The following SAXO1 variants were observed in gnomAD, a reference collection of about 807,000 sequenced individuals.
SAXO1 encodes 4930500O09Rik.
SAXO1 carries 21 observed loss-of-function variants against 17.5 expected under a neutral mutation model. That is an observed-to-expected ratio of 1.20 (90% CI 0.85 to 1.72). SAXO1 has a LOEUF of 1.72. SAXO1 is among the 40% of genes most tolerant of loss of function. SAXO1 has a pLI of 0.00. For missense variants in SAXO1, 843 were observed against 596.0 expected (o/e 1.41, Z -4.32); for synonymous variants, 274 against 216.5 (o/e 1.27, Z -2.33).
At chr9:19,029,450 A>G (rs1042597945) in intron 1 of SAXO1, among the ~76,000 whole-genome samples, 1 of 152,190 alleles carries the variant, frequency 6.6e-6, no homozygotes, top group African/African-American at 2.4e-5. Flanking sequence ...CTTGTCTTCC[A>G]GATTTCCCAT....
At chr9:19,028,468 C>T (rs1835610893) in intron 1 of SAXO1, among the ~76,000 whole-genome samples, 1 of 152,190 alleles carries the variant, frequency 6.6e-6, no homozygotes, top group Admixed American at 6.5e-5. Flanking sequence ...ACATTATACT[C>T]TCATATACAA....
intron 1 of SAXO1, among the ~76,000 whole-genome samples, chr9:19,045,135 C>A (rs892138232): frequency 2.0e-5 from 3 of 149,906 alleles, no homozygotes; most frequent in African/African-American, 7.4e-5. Context: ...AAGGTGAAAC[C>A]CCGTCTCTAC....
intron 1 of SAXO1, among the ~76,000 whole-genome samples, chr9:19,021,441 T>C (rs1260813641): frequency 3.3e-5 from 5 of 152,186 alleles, no homozygotes; most frequent in Non-Finnish European, 5.9e-5. Context: ...CATGTCCCCT[T>C]TTCCCTGACT....
At chr9:18,960,641 G>C (rs1218517570) in intron 1 of SAXO1, among the ~76,000 whole-genome samples, 6 of 152,084 alleles carry the variant, frequency 3.9e-5, no homozygotes. Context: ...AAGTTATCCA[G>C]GTGTGGTGGC....
intron 1 of SAXO1, among the ~76,000 whole-genome samples, chr9:18,973,600 T>G (rs974322919): frequency 6.6e-6 from 1 of 152,250 alleles, no homozygotes; most frequent in African/African-American, 2.4e-5. Flanking sequence ...CTGCACTGGA[T>G]AAGACAAGCT....
chr9:19,018,306 T>C (rs1293577250), intron 1 of SAXO1, among the ~76,000 whole-genome samples: 1 of 152,234 alleles, frequency 6.6e-6, no homozygotes, highest in Non-Finnish European at 1.5e-5. Context: ...TTAAAATTCA[T>C]TTCTAGATAG....
At position 19,031,924 on chromosome 9, in the gene SAXO1, T is replaced by C. The variant is rs186830048; in HGVS notation, c.38+947A>G. Among the ~76,000 whole-genome samples, 144 of 152,340 alleles carry C rather than the reference T, an allele frequency of 9.5e-4. 1 individual carries two copies. Among genetic ancestry groups the C allele is most frequent in the African/African-American group, 3.4e-3 (140 of 41,578 alleles). On this transcript the variant is annotated intron_variant, in intron 1 of 3. Transcript: ENST00000380534. ...CTCCACACTACTGATACCATTTTTA[T>C]ATGCATGTGTCATATTTGCCCTTTT...
intron 2 of SAXO1, among the ~76,000 whole-genome samples, chr9:18,948,400 C>A (rs1327450283): frequency 6.6e-6 from 1 of 152,178 alleles, no homozygotes; most frequent in Non-Finnish European, 1.5e-5. Flanking sequence ...CTTGATCCTG[C>A]CACTTTTTCT....
rs533341775 is a variant in SAXO1, at chr9:19,016,875, A to C, written c.38+15996T>G. Among the ~76,000 whole-genome samples, 76 of 130,894 alleles carry C rather than the reference A, an allele frequency of 5.8e-4. 1 individual carries two copies. The highest frequency in any genetic ancestry group is 2.2e-3 in the African/African-American group (74 of 33,718). The allele number at this position is 130,894 out of a possible 152,430, so 85.9% of individuals were successfully genotyped here. ...CGTTTGATGAATTCCCACCATATTC[A>C]TCTTGTGGAAGGCAGTGCCCACCCG... On this transcript the variant is annotated intron_variant, in intron 1 of 3. Coordinates refer to ENST00000380534, the MANE Select transcript of SAXO1 (RefSeq NM_153707.4).
At chr9:18,941,127 A>G (rs1404191072) in intron 3 of SAXO1, among the ~76,000 whole-genome samples, 2 of 152,234 alleles carry the variant, frequency 1.3e-5, no homozygotes, top group African/African-American at 4.8e-5. Context: ...GAATGAATCA[A>G]TCACTTAATC....
At position 18,928,279 on chromosome 9, in the gene SAXO1, C is replaced by G; in HGVS notation, c.1198G>C (p.Val400Leu). Residue 400 changes from valine (V) to leucine (L), a missense_variant, in exon 4 of 4, where the codon GTC becomes CTC. Coordinates refer to ENST00000380534, the MANE Select transcript of SAXO1 (RefSeq NM_153707.4). ...KPHWSGPRGN[V>L]PVESQTTYTI... ...TAGGTGGTCTGGCTTTCCACAGGGA[C>G]ATTTCCTCGAGGGCCAGACCAATGA... 6.2e-7 allele frequency: 1 copy of G among 1,612,674 alleles called. No individual in the cohort carries two copies. Among genetic ancestry groups the G allele is most frequent in the Non-Finnish European group, 8.5e-7 (1 of 1,179,004 alleles).
At chr9:18,974,148 T>G (rs1314095019) in intron 1 of SAXO1, among the ~76,000 whole-genome samples, 1 of 152,176 alleles carries the variant, frequency 6.6e-6, no homozygotes, top group Non-Finnish European at 1.5e-5. Flanking sequence ...TTAAGAAGAC[T>G]GGTTATGTTT....
At chr9:18,967,250 G>T (rs1198670480) in intron 1 of SAXO1, among the ~76,000 whole-genome samples, 2 of 152,332 alleles carry the variant, frequency 1.3e-5, no homozygotes, top group East Asian at 3.9e-4. Context: ...GAGGCAGTCT[G>T]TCCCCTAGCA....
chr9:18,998,357 G>A (rs1180160688), intron 1 of SAXO1, among the ~76,000 whole-genome samples: 6 of 151,990 alleles, frequency 3.9e-5, no homozygotes, highest in African/African-American at 1.2e-4. Context: ...GCAGAAGAAA[G>A]AATATCAGCA....
At chr9:18,977,642 C>CA (rs1833202537) in intron 1 of SAXO1, among the ~76,000 whole-genome samples, 2 of 152,094 alleles carry the variant, frequency 1.3e-5, no homozygotes, top group African/African-American at 4.8e-5. Flanking sequence ...TCAGGGGACC[C>CA]ATGAGCCACT....
At chr9:19,002,719 A>T (rs1834326977) in intron 1 of SAXO1, among the ~76,000 whole-genome samples, 2 of 152,206 alleles carry the variant, frequency 1.3e-5, no homozygotes, top group African/African-American at 4.8e-5. Flanking sequence ...ACTCTCAATA[A>T]ACTAGGTACT....
At chr9:19,048,267 G>A (rs1359390346) in intron 1 of SAXO1, among the ~76,000 whole-genome samples, 4 of 152,176 alleles carry the variant, frequency 2.6e-5, no homozygotes, top group Non-Finnish European at 4.4e-5. Context: ...GACCAGCCTG[G>A]CCAACATAGT....
chr9:18,941,877 C>T (rs905086469), intron 2 of SAXO1, 38 bp from the exon 3 acceptor site: 40 of 1,598,062 alleles, frequency 2.5e-5, no homozygotes, highest in Non-Finnish European at 3.2e-5. Flanking sequence ...GGGTCCTTGG[C>T]TTGCGATAAG....
chr9:18,979,067 T>C (rs577860300), intron 1 of SAXO1, among the ~76,000 whole-genome samples: 38 of 152,338 alleles, frequency 2.5e-4, no homozygotes, highest in African/African-American at 8.9e-4. Flanking sequence ...ACTTAGATTA[T>C]ATATGTTGAA....
Sources: gnomAD v4.1 joint callset for allele counts (sites outside exome capture counted in the v4.1 genomes callset) on GRCh38, gnomAD v4.1.1 for gene constraint, MANE v1.5 for transcripts, NCBI Gene and HGNC (gene_info 2026-07-23, HGNC 2026-07-21) for gene names.